UGT2B7: variants seen among roughly 807,000 people sequenced by gnomAD.
UGT2B7 encodes UDP-glucuronosyltransferase 2B7.
Under a neutral mutation model 51.9 loss-of-function variants are expected in UGT2B7, and 51 were observed. The ratio of observed to expected loss-of-function variants is 0.98; its 90% CI spans 0.78 to 1.24. UGT2B7 has a LOEUF of 1.24. Among genes scored for constraint, UGT2B7 ranks in the 50% most tolerant of loss-of-function variants. The pLI is 0.00. For synonymous variants in UGT2B7, 225 were observed against 211.6 expected (o/e 1.06, Z -0.55); for missense variants, 727 against 628.4 (o/e 1.16, Z -1.68).
intron 1 of UGT2B7, among the ~76,000 whole-genome samples, chr4:69,077,614 T>C (rs1718741897): frequency 6.6e-6 from 1 of 151,986 alleles, no homozygotes; most frequent in Non-Finnish European, 1.5e-5. Context: ...ATGCTTGTGA[T>C]TTTTGCACAT....
At chr4:69,065,235 C>T (rs1718459871) in intron 1 of UGT2B7, among the ~76,000 whole-genome samples, 1 of 152,126 alleles carries the variant, frequency 6.6e-6, no homozygotes, top group Non-Finnish European at 1.5e-5. Context: ...CCCAAACTCA[C>T]CCACCCTCAG....
intron 1 of UGT2B7, among the ~76,000 whole-genome samples, chr4:69,063,090 C>T (rs531648702): frequency 2.9e-4 from 43 of 146,136 alleles, no homozygotes; most frequent in African/African-American, 9.0e-4. Context: ...GAGGCCGAGG[C>T]GGGCGGATCA....
chr4:69,071,404 T>G (rs1223561734), intron 1 of UGT2B7, among the ~76,000 whole-genome samples: 1 of 152,192 alleles, frequency 6.6e-6, no homozygotes, highest in Non-Finnish European at 1.5e-5. Context: ...TGCAACAGTT[T>G]TTAAAATCTA....
chr4:69,058,705 A>G (rs1718273173), intron 1 of UGT2B7, among the ~76,000 whole-genome samples: 2 of 152,036 alleles, frequency 1.3e-5, no homozygotes, highest in South Asian at 2.1e-4. Flanking sequence ...TTTTGCAGGC[A>G]TGAATGCTAT....
intron 5 of UGT2B7, among the ~76,000 whole-genome samples, chr4:69,109,656 G>A (rs1435284057): frequency 6.6e-6 from 1 of 151,938 alleles, no homozygotes; most frequent in Non-Finnish European, 1.5e-5. Flanking sequence ...TAAATATTTT[G>A]TCCCACTCTG....
At chr4:69,080,807 T>C (rs1283324296) in intron 1 of UGT2B7, among the ~76,000 whole-genome samples, 4 of 152,136 alleles carry the variant, frequency 2.6e-5, no homozygotes, top group Non-Finnish European at 5.9e-5. Flanking sequence ...TTCTTTAATA[T>C]AGAAATAAAT....
chr4:69,056,353 C>G (rs1296337262), intron 1 of UGT2B7, among the ~76,000 whole-genome samples: 1 of 152,202 alleles, frequency 6.6e-6, no homozygotes, highest in Admixed American at 6.5e-5. Context: ...ACCGATCAAG[C>G]CTTGACTGTT....
At chr4:69,062,234 A>G (rs544958063) in intron 1 of UGT2B7, among the ~76,000 whole-genome samples, 1 of 152,254 alleles carries the variant, frequency 6.6e-6, no homozygotes, top group South Asian at 2.1e-4. Context: ...GCACCCCCAC[A>G]AAACAAACCA....
In UGT2B7 at chr4:69,112,464, G is replaced by C. The variant is rs750593732; in HGVS notation, c.1318G>C (p.Glu440Gln). Reference sequence around the variant, plus strand: ...TTTATTTTTATCTTTCAGATATAAAGAGAATGTTATGAAATTATCAAGAAT... The same window carrying C: ...TTTATTTTTATCTTTCAGATATAAACAGAATGTTATGAAATTATCAAGAAT... ...KRVINDPSYK[E>Q]NVMKLSRIQH... The change falls in exon 6 of 6, where the codon GAG becomes CAG. Residue 440 changes from glutamate (E) to glutamine (Q), a missense_variant. Transcript: ENST00000305231. The C allele has an allele frequency of 5.6e-6, 9 of 1,613,370 alleles. No homozygotes were observed. The highest frequency in any genetic ancestry group is 6.8e-6 in the Non-Finnish European group (8 of 1,179,702).
chr4:69,060,712 C>A (rs1463671855), intron 1 of UGT2B7, among the ~76,000 whole-genome samples: 3 of 152,192 alleles, frequency 2.0e-5, no homozygotes, highest in Non-Finnish European at 4.4e-5. Context: ...TCGGCTGGCA[C>A]AGGAAGCTAA....
chr4:69,052,046 G>T (rs1320264399), intron 1 of UGT2B7, among the ~76,000 whole-genome samples: 1 of 152,126 alleles, frequency 6.6e-6, no homozygotes, highest in African/African-American at 2.4e-5. Flanking sequence ...CTATGTTAAA[G>T]AATTTCAAGA....
chr4:69,112,850 G>C lies in UGT2B7; in HGVS notation c.*114G>C, dbSNP rs73823873. 2 of 974,594 alleles carry C rather than the reference G, an allele frequency of 2.1e-6. No individual in the cohort carries two copies. Among genetic ancestry groups the C allele is most frequent in the Non-Finnish European group, 2.7e-6 (2 of 731,826 alleles). 60.4% of individuals were successfully genotyped at this position (974,594 alleles called of 1,614,324 possible). A position where few individuals can be genotyped will look rare whatever the true frequency, so the allele number is the denominator to read the frequency against. The stretch of plus-strand genomic sequence containing the variant: ...TCTTCCTGAGACAAAAAAAAAAAAA[G>C]AAAAAAAAATCTTTTCAAAATTTAC... On this transcript the variant is annotated 3_prime_UTR_variant, in exon 6 of 6. Transcript: ENST00000305231.
intron 2 of UGT2B7, among the ~76,000 whole-genome samples, chr4:69,099,601 T>C (rs1164152485): frequency 6.6e-6 from 1 of 151,938 alleles, no homozygotes; most frequent in Non-Finnish European, 1.5e-5. Context: ...TTGATAGAAA[T>C]CATTATGCCC....
chr4:69,098,401 A>T, intron 1 of UGT2B7, 139 bp from the exon 2 acceptor site: 1 of 880,606 alleles, frequency 1.1e-6, no homozygotes, highest in Non-Finnish European at 1.6e-6. Context: ...AATTATATCT[A>T]TATATGAATA....
At chr4:69,055,166 G>C (rs1718154513) in intron 1 of UGT2B7, among the ~76,000 whole-genome samples, 1 of 139,986 alleles carries the variant, frequency 7.1e-6, no homozygotes, top group South Asian at 2.4e-4. Flanking sequence ...TTTGGCACTT[G>C]TGCTGCTATT....
At chr4:69,053,076 C>T (rs552469822) in intron 1 of UGT2B7, among the ~76,000 whole-genome samples, 1 of 152,150 alleles carries the variant, frequency 6.6e-6, no homozygotes, top group Non-Finnish European at 1.5e-5. Context: ...AAGCATCAAC[C>T]TGCTCTTTAA....
In UGT2B7 at chr4:69,064,019, GGAAAGAAAGAAAGAAA is replaced by G. The variant is rs71204072; in HGVS notation, c.-159+12480_-159+12495del. Among the ~76,000 whole-genome samples the G allele has an allele frequency of 8.8e-3, 526 of 60,110 alleles. 3 individuals are homozygous for G. Among genetic ancestry groups the G allele is most frequent in the South Asian group, 0.015 (25 of 1,702 alleles). The allele number at this position is 60,110 out of a possible 152,430, so 39.4% of individuals were successfully genotyped here. On this transcript the variant is annotated intron_variant, in intron 1 of 5. Coordinates refer to the UGT2B7 transcript ENST00000502942. ...AGGCATCAAAGGGGAAGATGAGATG[GGAAAGAAAGAAAGAAA>G]GAAAGAAAGAAAGAAAGAAAGAAAG...
At chr4:69,088,320 C>A (rs1209075862) in intron 1 of UGT2B7, among the ~76,000 whole-genome samples, 3 of 142,380 alleles carry the variant, frequency 2.1e-5, no homozygotes, top group African/African-American at 8.1e-5. Flanking sequence ...AATTTATCAT[C>A]ATTTTCCTGG....
At chr4:69,079,450 T>G (rs1718787597) in intron 1 of UGT2B7, among the ~76,000 whole-genome samples, 1 of 152,208 alleles carries the variant, frequency 6.6e-6, no homozygotes, top group South Asian at 2.1e-4. Flanking sequence ...AACCTGTACG[T>G]TGTGCACATG....
Sources: gnomAD v4.1 joint callset for allele counts (sites outside exome capture counted in the v4.1 genomes callset) on GRCh38, gnomAD v4.1.1 for gene constraint, MANE v1.5 for transcripts, NCBI Gene and HGNC (gene_info 2026-07-23, HGNC 2026-07-21) for gene names.